FABP12: variants seen among roughly 807,000 people sequenced by gnomAD.
FABP12 encodes the protein fatty acid binding protein 12, also known as fatty acid-binding protein 12.
A neutral mutation model predicts 13.7 loss-of-function variants in FABP12; 19 were observed. That is an observed-to-expected ratio of 1.39 (90% CI 0.97 to 2.04). The LOEUF (loss-of-function observed/expected upper bound fraction) is 2.04, where lower values mean the gene tolerates loss of function less well. Ranked by LOEUF, FABP12 falls within the 30% of genes most tolerant of loss-of-function variation. The pLI, the probability that FABP12 is intolerant of heterozygous loss-of-function variation, is 0.00. For missense variants in FABP12, 182 were observed against 164.2 expected, an observed-to-expected ratio of 1.11 and a Z score of -0.59; for synonymous variants, 61 against 57.0, an observed-to-expected ratio of 1.07 and a Z score of -0.32.
chr8:81,532,513 G>T (rs769660543), intron 1 of FABP12, among the ~76,000 whole-genome samples: 6 of 152,186 alleles, frequency 3.9e-5, no homozygotes, highest in Non-Finnish European at 8.8e-5. Flanking sequence ...AAATGTTCCA[G>T]ATATGGTTGG....
At chr8:81,532,111 A>T (rs559041884) in intron 1 of FABP12, among the ~76,000 whole-genome samples, 1 of 152,306 alleles carries the variant, frequency 6.6e-6, no homozygotes, top group East Asian at 1.9e-4. Context: ...TGACTGTAAA[A>T]TCTCAGTGTC....
intron 1 of FABP12, among the ~76,000 whole-genome samples, chr8:81,561,212 C>T (rs1399455571): frequency 6.6e-6 from 1 of 152,112 alleles, no homozygotes; most frequent in Non-Finnish European, 1.5e-5. Context: ...GTAATTATCT[C>T]CCACTCTTTC....
chr8:81,560,756 G>A (rs1035865357), intron 1 of FABP12, among the ~76,000 whole-genome samples: 1 of 152,206 alleles, frequency 6.6e-6, no homozygotes, highest in Non-Finnish European at 1.5e-5. Flanking sequence ...ACAGACTGCA[G>A]AGATTGAGTT....
intron 2 of FABP12, among the ~76,000 whole-genome samples, chr8:81,539,085 G>T (rs1476732942): frequency 6.6e-6 from 1 of 152,100 alleles, no homozygotes; most frequent in African/African-American, 2.4e-5. Context: ...CTGACCTCAA[G>T]TTATCTGCCC....
At chr8:81,563,677 A>C (rs1809766218) in intron 1 of FABP12, among the ~76,000 whole-genome samples, 1 of 152,206 alleles carries the variant, frequency 6.6e-6, no homozygotes, top group Admixed American at 6.5e-5. Context: ...TAGCAGCAGA[A>C]CTGATAAAGC....
At chr8:81,585,807 A>T (rs2130112758) in intron 1 of FABP12, among the ~76,000 whole-genome samples, 2 of 152,182 alleles carry the variant, frequency 1.3e-5, no homozygotes, top group Middle Eastern at 3.4e-3. Context: ...GATTAAATTG[A>T]TTCCTATGTA....
intron 1 of FABP12, among the ~76,000 whole-genome samples, chr8:81,554,972 C>G (rs1175869913): frequency 6.6e-6 from 1 of 152,102 alleles, no homozygotes; most frequent in South Asian, 2.1e-4. Flanking sequence ...CTAAATTCCT[C>G]TCACTAGCAT....
At chr8:81,535,887 C>T (rs1292525183), upstream of FABP12, among the ~76,000 whole-genome samples, 1 of 152,176 alleles carries the variant, frequency 6.6e-6, no homozygotes, top group Non-Finnish European at 1.5e-5. Context: ...CCTTAGTCTG[C>T]TGCCCATCCA....
chr8:81,562,641 C>G (rs1470221936), intron 1 of FABP12, among the ~76,000 whole-genome samples: 1 of 152,178 alleles, frequency 6.6e-6, no homozygotes, highest in African/African-American at 2.4e-5. Context: ...GCAGTACTCA[C>G]TGTGGGCCTG....
At chr8:81,555,520 T>A (rs2130026460) in intron 1 of FABP12, among the ~76,000 whole-genome samples, 1 of 152,328 alleles carries the variant, frequency 6.6e-6, no homozygotes, top group South Asian at 2.1e-4. Flanking sequence ...GAAAATGTAT[T>A]CAGTGACTAA....
At chr8:81,581,435 G>A (rs1485272170) in intron 1 of FABP12, among the ~76,000 whole-genome samples, 2 of 152,168 alleles carry the variant, frequency 1.3e-5, no homozygotes, top group African/African-American at 2.4e-5. Flanking sequence ...CTCAGAACCA[G>A]ATTTAACTTC....
intron 1 of FABP12, among the ~76,000 whole-genome samples, chr8:81,570,052 G>T (rs1585855436): frequency 6.6e-6 from 1 of 152,254 alleles, no homozygotes; most frequent in African/African-American, 2.4e-5. Context: ...CTGCCACGGG[G>T]CGGGCAGCTC....
At chr8:81,537,785 G>A (rs1809259172), upstream of FABP12, among the ~76,000 whole-genome samples, 1 of 152,170 alleles carries the variant, frequency 6.6e-6, no homozygotes, top group Admixed American at 6.5e-5. Flanking sequence ...ACAGGAAGCT[G>A]AGCTGAATGG....
chr8:81,572,000 T>C (rs1809941693), intron 1 of FABP12, among the ~76,000 whole-genome samples: 1 of 152,190 alleles, frequency 6.6e-6, no homozygotes, highest in Non-Finnish European at 1.5e-5. Flanking sequence ...AAGTGATGTT[T>C]GGTTACATGA....
At chr8:81,530,683 T>G (rs1809047409) in intron 2 of FABP12, among the ~76,000 whole-genome samples, 2 of 152,234 alleles carry the variant, frequency 1.3e-5, no homozygotes, top group Non-Finnish European at 2.9e-5. Flanking sequence ...GTTAGGAGAC[T>G]GTACAGATGT....
upstream of FABP12, among the ~76,000 whole-genome samples, chr8:81,536,334 T>A (rs375500700): frequency 2.6e-4 from 39 of 152,372 alleles, no homozygotes; most frequent in African/African-American, 8.9e-4. Flanking sequence ...GTGACTATAT[T>A]TATTCATAAC....
At chr8:81,547,096 C>T (rs958777035) in intron 1 of FABP12, among the ~76,000 whole-genome samples, 6 of 152,312 alleles carry the variant, frequency 3.9e-5, no homozygotes, top group African/African-American at 9.6e-5. Flanking sequence ...AGAAGAAAAG[C>T]GGAAGTTGAA....
At chr8:81,532,547 G>A (rs1809099801) in intron 1 of FABP12, among the ~76,000 whole-genome samples, 1 of 152,196 alleles carries the variant, frequency 6.6e-6, no homozygotes. Flanking sequence ...GTTTGGCCAG[G>A]TGCAGTGGTT....
intron 1 of FABP12, among the ~76,000 whole-genome samples, chr8:81,575,394 A>C (rs1200020250): frequency 2.0e-5 from 3 of 152,124 alleles, no homozygotes; most frequent in African/African-American, 7.2e-5. Context: ...TCTTGGAGAA[A>C]GTTCCATGTG....
Sources: allele counts gnomAD v4.1 joint callset (sites outside exome capture counted in the v4.1 genomes callset), GRCh38; gene constraint gnomAD v4.1.1; transcripts MANE v1.5; gene names NCBI Gene and HGNC (gene_info 2026-07-23, HGNC 2026-07-21).